KLHL29: variants seen among roughly 807,000 people sequenced by gnomAD.
KLHL29 encodes kelch-like protein 29.
KLHL29 carries 21 observed loss-of-function variants against 80.4 expected under a neutral mutation model. The observed-to-expected ratio is 0.26, with a 90% CI of 0.19 to 0.38. The LOEUF (loss-of-function observed/expected upper bound fraction) is 0.38, where lower values mean the gene tolerates loss of function less well. Ranked by LOEUF, KLHL29 falls within the 10% of genes least tolerant of loss-of-function variation. The pLI is 1.00. For missense variants in KLHL29, 867 were observed against 1,223.9 expected (o/e 0.71, Z 4.35); for synonymous variants, 511 against 526.8 (o/e 0.97, Z 0.41).
At chr2:23,705,262 G>A (rs887989519) in intron 13 of KLHL29, among the ~76,000 whole-genome samples, 3 of 152,254 alleles carry the variant, frequency 2.0e-5, no homozygotes, top group African/African-American at 4.8e-5. Context: ...GGAGGCTGAG[G>A]TGAATGGATC....
chr2:23,593,572 C>T (rs980844952), intron 3 of KLHL29, among the ~76,000 whole-genome samples: 1 of 152,176 alleles, frequency 6.6e-6, no homozygotes, highest in African/African-American at 2.4e-5. Flanking sequence ...TGGTTCCTCT[C>T]ACCACTCCTT....
intron 3 of KLHL29, among the ~76,000 whole-genome samples, chr2:23,636,600 CT>C: frequency 6.6e-6 from 1 of 152,168 alleles, no homozygotes; most frequent in African/African-American, 2.4e-5. Context: ...ATATTGAGTC[CT>C]CCCACTGTCC....
intron 3 of KLHL29, among the ~76,000 whole-genome samples, chr2:23,623,524 G>T (rs1669237228): frequency 6.6e-6 from 1 of 152,172 alleles, no homozygotes; most frequent in African/African-American, 2.4e-5. Context: ...AAATGTATCT[G>T]GGAGGAAAGC....
intron 1 of KLHL29, among the ~76,000 whole-genome samples, chr2:23,390,358 G>A (rs1282274421): frequency 3.3e-5 from 5 of 152,180 alleles, no homozygotes; most frequent in African/African-American, 7.2e-5. Flanking sequence ...GAACAAGAAC[G>A]GCGAGCATGG....
At chr2:23,677,073 T>C (rs1490022868) in intron 5 of KLHL29, among the ~76,000 whole-genome samples, 4 of 152,220 alleles carry the variant, frequency 2.6e-5, no homozygotes, top group Non-Finnish European at 4.4e-5. Flanking sequence ...GGAATATTTC[T>C]GTTAATTTTA....
intron 5 of KLHL29, among the ~76,000 whole-genome samples, chr2:23,650,719 T>C (rs1670066183): frequency 6.6e-6 from 1 of 152,222 alleles, no homozygotes; most frequent in African/African-American, 2.4e-5. Flanking sequence ...TGCACGCCGC[T>C]TTCTCCTGTC....
intron 1 of KLHL29, among the ~76,000 whole-genome samples, chr2:23,397,836 A>G (rs987407112): frequency 9.8e-5 from 15 of 152,378 alleles, no homozygotes; most frequent in East Asian, 1.9e-4. Flanking sequence ...AGGTATACCA[A>G]TGGCCAATAA....
intron 3 of KLHL29, among the ~76,000 whole-genome samples, chr2:23,572,986 C>T (rs1667754140): frequency 6.6e-6 from 1 of 152,222 alleles, no homozygotes; most frequent in South Asian, 2.1e-4. Flanking sequence ...CCGCGCCCGG[C>T]CCAAAAACAG....
chr2:23,403,966 G>A (rs1332796461), intron 1 of KLHL29, among the ~76,000 whole-genome samples: 1 of 152,130 alleles, frequency 6.6e-6, no homozygotes, highest in Non-Finnish European at 1.5e-5. Context: ...AGCAATCCTC[G>A]ATGCCTTTGA....
chr2:23,573,543 G>A (rs1667768482), intron 3 of KLHL29, among the ~76,000 whole-genome samples: 1 of 152,162 alleles, frequency 6.6e-6, no homozygotes, highest in African/African-American at 2.4e-5. Flanking sequence ...CAGGTTCGAG[G>A]CATATCCTTC....
chr2:23,691,195 C>T (rs2551351), intron 6 of KLHL29: 159,358 of 187,430 alleles, frequency 0.85, 70,225 homozygotes, highest in East Asian at 1. Flanking sequence ...GCCCTCGGTC[C>T]TGGGGCGATC....
In KLHL29 at chr2:23,465,245, G is replaced by A. The variant is rs549934929; in HGVS notation, c.-153-10315G>A. ...GAAGGTGCTGAAGCTAGTCCTGGCA[G>A]CGTTTGGGTGCTGATGGGAGCCCTG... On this transcript the variant is annotated intron_variant, in intron 1 of 13. Coordinates refer to ENST00000486442, the MANE Select transcript of KLHL29 (RefSeq NM_052920.2). Among the ~76,000 whole-genome samples, 142 of 152,212 alleles carry A rather than the reference G, an allele frequency of 9.3e-4. 1 individual carries two copies. Among genetic ancestry groups the A allele is most frequent in the Non-Finnish European group, 1.8e-3 (124 of 68,040 alleles).
In KLHL29 at chr2:23,642,878, A is replaced by T. The variant is rs765846197; in HGVS notation, c.940+28A>T. 5.2e-6 allele frequency: 8 copies of T among 1,549,728 alleles called. No homozygotes were observed. In the South Asian group the frequency reaches 9.5e-5, roughly 18 times the overall value. On this transcript the variant is annotated intron_variant, in intron 5 of 13. Transcript: ENST00000486442. Reference sequence around the variant, plus strand: ...AAGTCCTGCTGCCACGTGCCTCCCCACGGGCCTGCGTCTGCACCTCCCTGC... The same window carrying T: ...AAGTCCTGCTGCCACGTGCCTCCCCTCGGGCCTGCGTCTGCACCTCCCTGC...
At chr2:23,546,292 T>C (rs1666977668) in intron 2 of KLHL29, among the ~76,000 whole-genome samples, 1 of 152,120 alleles carries the variant, frequency 6.6e-6, no homozygotes. Flanking sequence ...GAGCTTAGTA[T>C]GTCATCAGAT....
intron 5 of KLHL29, among the ~76,000 whole-genome samples, chr2:23,658,998 A>T (rs1160305196): frequency 6.6e-6 from 1 of 152,006 alleles, no homozygotes; most frequent in Non-Finnish European, 1.5e-5. Flanking sequence ...CACTCTCCCC[A>T]CCACCCAGCA....
intron 5 of KLHL29, chr2:23,643,209 TCTCAGGGCACCG>T (rs1427511351): frequency 5.1e-5 from 22 of 435,098 alleles, no homozygotes; most frequent in African/African-American, 3.2e-4. Context: ...CATCCACTCC[TCTCAGGGCACCG>T]CAGAACAGTC....
At chr2:23,640,171 A>G (rs900934086) in intron 4 of KLHL29, among the ~76,000 whole-genome samples, 2 of 152,198 alleles carry the variant, frequency 1.3e-5, no homozygotes, top group African/African-American at 4.8e-5. Flanking sequence ...GCAAGGCTTC[A>G]TCAGTGTTCC....
Position 23,696,580 on chromosome 2 carries a change from A to G in KLHL29, c.2105+67A>G. On this transcript the variant is annotated intron_variant, in intron 11 of 13. Transcript: ENST00000486442. This position sits in a 1 kb window ranked among gnomAD's most constrained non-coding sequence, Gnocchi z 5.5. ...ACCAAGAACTGAAATCACGTCACTC[A>G]CTGTACCTCCCAACACCCACTCAGT... is the stretch of plus-strand genomic sequence containing the variant. 7.8e-7 allele frequency: 1 copy of G among 1,284,742 alleles called. No homozygotes were observed. Among genetic ancestry groups the G allele is most frequent in the Non-Finnish European group, 1.1e-6 (1 of 938,578 alleles). 79.6% of individuals were successfully genotyped at this position (1,284,742 alleles called of 1,614,324 possible).
intron 11 of KLHL29, among the ~76,000 whole-genome samples, chr2:23,702,265 TA>T (rs1558451143): frequency 1.3e-5 from 2 of 152,204 alleles, no homozygotes; most frequent in African/African-American, 4.8e-5. Context: ...ACACCTGCCC[TA>T]CTGAACATCA....
Sources: allele counts gnomAD v4.1 joint callset (sites outside exome capture counted in the v4.1 genomes callset), GRCh38; gene constraint gnomAD v4.1.1; non-coding constraint Gnocchi (gnomAD v3.1); transcripts MANE v1.5; gene names NCBI Gene and HGNC (gene_info 2026-07-23, HGNC 2026-07-21).